Variants in PELP1 observed in about 807,000 individuals in gnomAD.
The protein encoded by PELP1 is proline-, glutamic acid- and leucine-rich protein 1.
Under a neutral mutation model 95.5 loss-of-function variants are expected in PELP1, and 32 were observed. That is an observed-to-expected ratio of 0.34 (90% CI 0.25 to 0.45). PELP1 has a LOEUF of 0.45. PELP1 is among the 20% of genes least tolerant of loss of function. The pLI is 1.00. For missense variants in PELP1, 1,358 were observed against 1,444.8 expected (o/e 0.94, Z 0.97); for synonymous variants, 668 against 600.1 (o/e 1.11, Z -1.65).
intron 5 of PELP1, among the ~76,000 whole-genome samples, chr17:4,677,226 C>T (rs1463510993): frequency 6.6e-6 from 1 of 152,052 alleles, no homozygotes; most frequent in East Asian, 1.9e-4. Context: ...GAGGGCAGGA[C>T]AAGGTCAAAA....
rs999637214 is a variant in PELP1 at position 4,672,382 on chromosome 17, C to G, written c.2609G>C (p.Gly870Ala). The change falls in exon 16 of 17, where the codon GGA (glycine) becomes GCA (alanine). Residue 870 changes from glycine to alanine, a missense_variant. By Grantham distance (60) the Gly-to-Ala change is moderately conservative. This residue lies in a region of PELP1 where 340 missense variants were observed against 322.9 expected (regional missense o/e 1.05). Coordinates refer to ENST00000572293, the MANE Select transcript of PELP1 (RefSeq NM_014389.3). ...LVPEGTPGGG[G>A]PPALEEDLTV... ...CAAATCCTCTTCCAGGGCTGGGGGT[C>G]CTCCCCCACCAGGAGTCCCTTCAGG... 4.5e-6 allele frequency: 7 copies of G among 1,554,952 alleles called. No homozygotes were observed. In the African/African-American group the frequency reaches 8.2e-5, roughly 18 times the overall value.
Position 4,672,249 on chromosome 17 carries a change from T to G in PELP1, c.2742A>C (p.Glu914Asp). The G allele has an allele frequency of 6.4e-7, 1 of 1,552,108 alleles. No individual in the cohort carries two copies. ...EEEEEDFEEE[E>D]EDEEEYFEEE... ...CTTCAAAATATTCCTCTTCATCCTC[T>G]TCCTCTTCCTCAAAGTCTTCCTCCT... Residue 914 changes from glutamate (E) to aspartate (D), a missense_variant, in exon 16 of 17, where the codon GAA (glutamate) becomes GAC (aspartate). Around this residue, in one of 7 missense-constraint regions of PELP1, gnomAD observed 283 missense variants for 284.1 expected, o/e 1.00. Coordinates refer to ENST00000572293, the MANE Select transcript of PELP1 (RefSeq NM_014389.3).
rs1555552473 is a variant in PELP1, at chr17:4,672,921, G to GGGCACGGGGCCTGCTGAA, written c.2069_2070insTTCAGCAGGCCCCGTGCC (p.Gly693_Ala698dup). ...GTGCCGAGGGCACAGGGCCTGCTGA[G>GGGCACGGGGCCTGCTGAA]GGCATGGGGCCTGCTGAAGGCATGG... On this transcript the variant is annotated inframe_insertion, in exon 16 of 17. Transcript: ENST00000572293. The GGGCACGGGGCCTGCTGAA allele has an allele frequency of 6.5e-5, 105 of 1,611,856 alleles. No individual in the cohort carries two copies. The African/African-American group carries it at 1.0e-3, about 16-fold the overall frequency.
At chr17:4,682,136 G>C (rs564848666) in intron 5 of PELP1, among the ~76,000 whole-genome samples, 3 of 152,278 alleles carry the variant, frequency 2.0e-5, no homozygotes, top group Admixed American at 2.0e-4. Context: ...CCCCAGCCTG[G>C]ACAACAGAGT....
chr17:4,703,373 C>T (rs1198167884), intron 1 of PELP1, among the ~76,000 whole-genome samples: 1 of 152,182 alleles, frequency 6.6e-6, no homozygotes, highest in Non-Finnish European at 1.5e-5. Flanking sequence ...TGCCAGTCTT[C>T]AGATAAGGTT....
chr17:4,694,525 TG>T (rs1913222593), intron 1 of PELP1, among the ~76,000 whole-genome samples: 1 of 52,648 alleles, frequency 1.9e-5, no homozygotes, highest in Non-Finnish European at 4.0e-5. Context: ...CCAGGCGTGG[TG>T]GCAGGCGCCT....
chr17:4,671,981 C>T lies in PELP1; in HGVS notation c.3010G>A (p.Gly1004Arg), dbSNP rs760291155. The T allele has an allele frequency of 1.8e-5, 28 of 1,543,282 alleles. No homozygotes were observed. Among genetic ancestry groups the T allele is most frequent in the Admixed American group, 4.1e-5 (2 of 48,934 alleles). ...GGCTCCTCCACTTCCAAAAGCAGCC[C>T]GGGTTCAGGTTCGGGTTCTGGCTGC... ...KVQPEPEPEP[G>R]LLLEVEEPGT... Residue 1004 changes from glycine (G) to arginine (R), a missense_variant, in exon 16 of 17, where the codon GGG (glycine) becomes AGG (arginine). By Grantham distance (125) the Gly-to-Arg change is moderately radical. Coordinates refer to ENST00000572293, the MANE Select transcript of PELP1 (RefSeq NM_014389.3).
chr17:4,682,601 G>C (rs1912731037), intron 4 of PELP1, 28 bp from the exon 5 acceptor site: 1 of 1,573,090 alleles, frequency 6.4e-7, no homozygotes, highest in Non-Finnish European at 8.8e-7. Context: ...GGAGAAACGA[G>C]AGGCTGCGAG....
Position 4,675,592 on chromosome 17 carries a change from C to T in PELP1, c.1068+205G>A. The T allele has an allele frequency of 1.4e-6, 1 of 708,810 alleles. No homozygotes were observed. Among genetic ancestry groups the T allele is most frequent in the South Asian group, 1.5e-5 (1 of 66,786 alleles). 43.9% of individuals were successfully genotyped at this position (708,810 alleles called of 1,614,324 possible). On this transcript the variant is annotated intron_variant, in intron 9 of 16. Coordinates refer to ENST00000572293, the MANE Select transcript of PELP1 (RefSeq NM_014389.3). This position sits in a 1 kb window ranked among gnomAD's most constrained non-coding sequence, Gnocchi z 4.3. ...TGACTCAGCTGATCCCCAAATTCAC[C>T]CTCCCCCAAGGAAGCATTTGCTACA...
chr17:4,702,049 A>G (rs1311458052), intron 1 of PELP1, among the ~76,000 whole-genome samples: 1 of 152,240 alleles, frequency 6.6e-6, no homozygotes, highest in East Asian at 1.9e-4. Context: ...GAGGAGAGGA[A>G]GTCCTGAAAG....
At position 4,673,364 on chromosome 17, in the gene PELP1, A is replaced by C; in HGVS notation, c.1731T>G (p.Arg577=). The part of the protein sequence containing the change: ...SSPYTSSRCR[R]ELYCLLLALL... ...GCGCCAGCAGCAGGCAGTAGAGTTC[A>C]CGGCGGCAGCGGGAGCTCGTGTACG... Residue 577 remains arginine (R), a synonymous_variant, in exon 15 of 17, where the codon CGT becomes CGG. Transcript: ENST00000572293. The surrounding 1 kb of genome is among the most constrained non-coding windows in gnomAD (Gnocchi z 5.7). 1 of 1,596,754 alleles carries C rather than the reference A, an allele frequency of 6.3e-7. No homozygotes were observed. Among genetic ancestry groups the C allele is most frequent in the Non-Finnish European group, 8.5e-7 (1 of 1,172,130 alleles).
Position 4,670,138 on chromosome 17 carries a change from C to T in PELP1, c.*1301G>A, listed in dbSNP as rs547887252. On this transcript the variant is annotated 3_prime_UTR_variant, in exon 17 of 17. Coordinates refer to ENST00000572293, the MANE Select transcript of PELP1 (RefSeq NM_014389.3). ...ACTGTTCTCACTTTTCTGTTTATTT[C>T]GAAAACAAGTTGAGGGGTAACTTTT... 125 of 152,244 alleles carry T rather than the reference C, an allele frequency of 8.2e-4. No homozygotes were observed. The highest frequency in any genetic ancestry group is 2.9e-3 in the African/African-American group (120 of 41,556). 9.4% of individuals were successfully genotyped at this position (152,244 alleles called of 1,614,324 possible).
rs11541056 is a variant in PELP1 at position 4,672,056 on chromosome 17, G to A, written c.2935C>T (p.Pro979Ser). ...GGCAGAGCTGGAGGCAGGGTTGGGG[G>A]TGGAGGTGCACCTTCTTCTACCTCC... ...GGEVEEGAPP[P>S]PTLPPALPPP... is the part of the protein sequence containing the mutation. Residue 979 changes from proline to serine, a missense_variant, in exon 16 of 17, where the codon CCC becomes TCC. This residue lies in a region of PELP1 where 283 missense variants were observed against 284.1 expected (regional missense o/e 1.00). Transcript: ENST00000572293. The A allele has an allele frequency of 1.8e-5, 28 of 1,563,892 alleles. No homozygotes were observed. In the Admixed American group the frequency reaches 2.1e-4, roughly 12 times the overall value.
chr17:4,691,323 T>C (rs1913090010), intron 2 of PELP1, 55 bp downstream of exon 2: 1 of 1,230,056 alleles, frequency 8.1e-7, no homozygotes, highest in South Asian at 1.2e-5. Context: ...GATGTACATA[T>C]GCCCACTTCC....
chr17:4,672,899 C>A lies in PELP1; in HGVS notation c.2092G>T (p.Ala698Ser). ...PMPSAGPVPS[A>S]RPGPPTTANH... Reference sequence around the variant, plus strand: ...GCTGTGGTGGGAGGTCCAGGGCGTGCCGAGGGCACAGGGCCTGCTGAGGGC... The same window carrying A: ...GCTGTGGTGGGAGGTCCAGGGCGTGACGAGGGCACAGGGCCTGCTGAGGGC... The change falls in exon 16 of 17, where the codon GCA (alanine) becomes TCA (serine). Residue 698 changes from alanine (A) to serine (S), a missense_variant. Coordinates refer to ENST00000572293, the MANE Select transcript of PELP1 (RefSeq NM_014389.3). 1 of 1,613,644 alleles carries A rather than the reference C, an allele frequency of 6.2e-7. No individual in the cohort carries two copies. The highest frequency in any genetic ancestry group is 1.1e-5 in the South Asian group (1 of 91,036).
Position 4,700,210 on chromosome 17 carries a change from T to G in PELP1, c.249+3653A>C, listed in dbSNP as rs376282903. On this transcript the variant is annotated intron_variant, in intron 1 of 16. Transcript: ENST00000572293. ...GTGAGCCATCACGCCTGGCCGAGGA[T>G]GAAGTTTTGAGCCTGTATGCTGATG... 6.6e-5 allele frequency among the ~76,000 whole-genome samples: 10 copies of G among 152,162 alleles called. No individual in the cohort carries two copies. The East Asian group carries it at 9.7e-4, about 15-fold the overall frequency.
intron 1 of PELP1, among the ~76,000 whole-genome samples, chr17:4,700,954 AAAAGAAAAAGAGAAAG>A (rs1299676694): frequency 6.1e-5 from 9 of 148,214 alleles, no homozygotes; most frequent in African/African-American, 2.2e-4. Flanking sequence ...AAAAGAAAAG[AAAAGAAAAAGAGAAAG>A]AAAGAAAAAG....
In PELP1 at chr17:4,682,527, A is replaced by C; in HGVS notation, c.617T>G (p.Phe206Cys). 6.2e-7 allele frequency: 1 copy of C among 1,612,850 alleles called. No homozygotes were observed. The highest frequency in any genetic ancestry group is 8.5e-7 in the Non-Finnish European group (1 of 1,178,834). The change falls in exon 5 of 17, where the codon TTC (phenylalanine) becomes TGC (cysteine). Residue 206 changes from phenylalanine to cysteine, a missense_variant. Physicochemically the swap from Phe to Cys is radical, Grantham distance 205 (BLOSUM62 -2). Transcript: ENST00000572293. The part of the protein sequence containing the change: ...LEGMKACMTY[F>C]PRACGSLKGK... ...TTTGAGAGAACCACAAGCCCGAGGG[A>C]AATAGGTCATACAAGCCTTCATTCC...
chr17:4,688,267 G>A (rs1203789775), intron 3 of PELP1, among the ~76,000 whole-genome samples: 2 of 151,996 alleles, frequency 1.3e-5, no homozygotes, highest in African/African-American at 2.4e-5. Context: ...CCCAGGAGGC[G>A]GAGGGTGCAG....
Sources: allele counts gnomAD v4.1 joint callset (sites outside exome capture counted in the v4.1 genomes callset), GRCh38; gene constraint gnomAD v4.1.1; regional missense constraint gnomAD v4.1.1; non-coding constraint Gnocchi (gnomAD v3.1); transcripts MANE v1.5; gene names NCBI Gene and HGNC (gene_info 2026-07-23, HGNC 2026-07-21).